ASB10: variants seen among roughly 807,000 people sequenced by gnomAD.
The protein encoded by ASB10 is ankyrin repeat and SOCS box containing 10, also known as ankyrin repeat and SOCS box protein 10.
In ASB10, 44 loss-of-function variants were observed where a neutral mutation model predicts 35.4. The ratio of observed to expected loss-of-function variants is 1.24; its 90% CI spans 0.98 to 1.60. The LOEUF is 1.60. Ranked by LOEUF, ASB10 falls within the 40% of genes most tolerant of loss-of-function variation. ASB10 has a pLI of 0.00. For synonymous variants in ASB10, 294 were observed against 280.4 expected (o/e 1.05, Z -0.49); for missense variants, 647 against 634.3 (o/e 1.02, Z -0.22).
chr7:151,187,164 G>A lies in ASB10; in HGVS notation c.-34C>T. On this transcript the variant is annotated 5_prime_UTR_variant, in exon 1 of 6. Transcript: ENST00000420175. The surrounding 1 kb of genome is among the most constrained non-coding windows in gnomAD (Gnocchi z 5.3). ...GGAAAGGGGAGTGGGGAGGAGGAGA[G>A]GTATATGCCAAAGGCAGAGAGAGAG... 3 of 1,557,594 alleles carry A rather than the reference G, an allele frequency of 1.9e-6. No homozygotes were observed. Among genetic ancestry groups the A allele is most frequent in the Non-Finnish European group, 2.6e-6 (3 of 1,150,308 alleles).
chr7:151,178,308 C>T (rs10241160), intron 3 of ASB10, among the ~76,000 whole-genome samples: 2,484 of 152,230 alleles, frequency 0.016, 64 homozygotes, highest in African/African-American at 0.056. Flanking sequence ...CTGTCCTAGA[C>T]GGAGTGGCCA....
chr7:151,184,784 A>G (rs917789283), intron 2 of ASB10, among the ~76,000 whole-genome samples: 4 of 152,146 alleles, frequency 2.6e-5, no homozygotes, highest in Non-Finnish European at 4.4e-5. Flanking sequence ...GCACTTTGGG[A>G]GGCCGAGGCG....
chr7:151,184,831 G>C (rs1432174664), intron 2 of ASB10, among the ~76,000 whole-genome samples: 1 of 152,006 alleles, frequency 6.6e-6, no homozygotes, highest in East Asian at 1.9e-4. Flanking sequence ...GACCATCCTG[G>C]CTAACACTGT....
rs542604220 is a variant in ASB10, at chr7:151,184,751, G to A, written c.584+1641C>T. Reference sequence around the variant, plus strand: ...AAAATGGTTACAAAAGGCCGGGCACGGTGGCTCGTGCCTGGAATCCCAGCA... The same window carrying A: ...AAAATGGTTACAAAAGGCCGGGCACAGTGGCTCGTGCCTGGAATCCCAGCA... On this transcript the variant is annotated intron_variant, in intron 2 of 5. Coordinates refer to ENST00000420175, the MANE Select transcript of ASB10 (RefSeq NM_001142459.2). Among the ~76,000 whole-genome samples the A allele has an allele frequency of 5.3e-5, 8 of 152,226 alleles. No homozygotes were observed. The South Asian group carries it at 6.2e-4, about 12-fold the overall frequency.
chr7:151,183,651 T>C (rs1280076190), intron 2 of ASB10, among the ~76,000 whole-genome samples: 1 of 152,174 alleles, frequency 6.6e-6, no homozygotes, highest in East Asian at 1.9e-4. Flanking sequence ...AGTGGCACAA[T>C]CTTGGCTCAC....
chr7:151,184,389 G>T (rs1345351448), intron 2 of ASB10, among the ~76,000 whole-genome samples: 2 of 143,918 alleles, frequency 1.4e-5, no homozygotes, highest in Non-Finnish European at 3.0e-5. Context: ...CTCCAGCCTG[G>T]GCGACAGAGT....
Position 151,175,975 on chromosome 7 carries a change from A to C in ASB10, c.*1-9T>G. On this transcript the variant is annotated splice_polypyrimidine_tract_variant and intron_variant, in intron 5 of 5. Transcript: ENST00000420175. Reference sequence around the variant, plus strand: ...CAAAAGGCCATGGACATCTGGAAGGAGAGGTTTGGATTCAGAGGCTTCTGG... The same window carrying C: ...CAAAAGGCCATGGACATCTGGAAGGCGAGGTTTGGATTCAGAGGCTTCTGG... 9.0e-7 allele frequency: 1 copy of C among 1,106,142 alleles called. No individual in the cohort carries two copies. Among genetic ancestry groups the C allele is most frequent in the Non-Finnish European group, 1.2e-6 (1 of 802,958 alleles). The allele number at this position is 1,106,142 out of a possible 1,614,324, so 68.5% of individuals were successfully genotyped here.
chr7:151,179,594 T>A (rs1801450107), intron 3 of ASB10, among the ~76,000 whole-genome samples: 1 of 152,236 alleles, frequency 6.6e-6, no homozygotes, highest in Non-Finnish European at 1.5e-5. Context: ...CAGCTGGGGC[T>A]GGCATTTCAT....
chr7:151,180,999 G>T lies in ASB10; in HGVS notation c.1044C>A (p.His348Gln). The T allele has an allele frequency of 6.3e-7, 1 of 1,598,060 alleles. No homozygotes were observed. The highest frequency in any genetic ancestry group is 8.6e-7 in the Non-Finnish European group (1 of 1,169,200). ...PAAALAQSPE[H>Q]VVRALLNHGA... ...CATGGTTGAGCAGAGCCCGAACCAC[G>T]TGCTCGGGGCTCTGGGCCAGGGCTG... Residue 348 changes from histidine to glutamine, a missense_variant, in exon 3 of 6, where the codon CAC becomes CAA. By Grantham distance (24) the His-to-Gln change is conservative. Coordinates refer to ENST00000420175, the MANE Select transcript of ASB10 (RefSeq NM_001142459.2).
chr7:151,176,524 A>G, intron 4 of ASB10, 39 bp downstream of exon 4: 3 of 1,528,600 alleles, frequency 2.0e-6, no homozygotes, highest in Non-Finnish European at 1.8e-6. Context: ...TCTTGGGACC[A>G]GGATGAGAAG....
chr7:151,182,136 C>G (rs1801507221), intron 2 of ASB10, among the ~76,000 whole-genome samples: 1 of 152,092 alleles, frequency 6.6e-6, no homozygotes, highest in Non-Finnish European at 1.5e-5. Flanking sequence ...GGATCTCATG[C>G]AAGTTGACAT....
In ASB10 at chr7:151,176,215, C is replaced by T. The variant is rs758074125; in HGVS notation, c.1301G>A (p.Arg434His). ...GGGCAGGCTGCCCTCCAGGTGGGAG[C>T]GGAGCGCACAGCGGCTCAAATGCTG... ...SLQHLSRCAL[R>H]SHLEGSLPQA... is the part of the protein sequence containing the mutation. The change falls in exon 5 of 6, where the codon CGC (arginine) becomes CAC (histidine). Residue 434 changes from arginine to histidine, a missense_variant. Physicochemically the swap from Arg to His is conservative, Grantham distance 29 (BLOSUM62 0). Transcript: ENST00000420175. The T allele has an allele frequency of 1.9e-6, 3 of 1,607,636 alleles. No individual in the cohort carries two copies. In the Admixed American group the frequency reaches 5.1e-5, roughly 27 times the overall value.
intron 2 of ASB10, among the ~76,000 whole-genome samples, chr7:151,181,972 G>A (rs539520537): frequency 3.9e-5 from 6 of 152,292 alleles, no homozygotes; most frequent in South Asian, 2.1e-4. Context: ...TAAATCATCC[G>A]TGGGAATAAA....
chr7:151,177,632 GA>G (rs1443147367), intron 3 of ASB10, among the ~76,000 whole-genome samples: 1 of 152,210 alleles, frequency 6.6e-6, no homozygotes, highest in Non-Finnish European at 1.5e-5. Flanking sequence ...GGGACTCACA[GA>G]GGGAGGACTG....
chr7:151,186,690 C>T (rs1381946792), intron 1 of ASB10, 31 bp from the exon 2 acceptor site: 1 of 1,578,650 alleles, frequency 6.3e-7, no homozygotes, highest in Non-Finnish European at 8.6e-7. Flanking sequence ...CCTCAGATCC[C>T]CAGGGAAGGC....
chr7:151,184,184 T>C (rs1224187772), intron 2 of ASB10, among the ~76,000 whole-genome samples: 6 of 150,808 alleles, frequency 4.0e-5, no homozygotes, highest in Admixed American at 6.6e-5. Context: ...GAGGCCGAGG[T>C]GGGTGGATCA....
intron 3 of ASB10, among the ~76,000 whole-genome samples, chr7:151,177,092 G>A (rs1363842692): frequency 6.6e-6 from 1 of 152,240 alleles, no homozygotes; most frequent in Non-Finnish European, 1.5e-5. Flanking sequence ...AGCCAGCCCT[G>A]CCCACATATG....
chr7:151,181,320 A>G lies in ASB10; in HGVS notation c.723T>C (p.Pro241=), dbSNP rs778238221. 2.5e-6 allele frequency: 4 copies of G among 1,613,144 alleles called. No individual in the cohort carries two copies. The highest frequency in any genetic ancestry group is 3.4e-6 in the Non-Finnish European group (4 of 1,180,000). The change falls in exon 3 of 6, where the codon CCT becomes CCC. Residue 241 remains proline, a synonymous_variant. Transcript: ENST00000420175. ...ADLLLRRGAC[P]DARNAEGWTP... The stretch of plus-strand genomic sequence containing the variant: ...TCCAGCCTTCGGCATTGCGGGCATC[A>G]GGACATGCCCCCCGTCTTAGAAGCA...
At position 151,178,987 on chromosome 7, in the gene ASB10, C is replaced by T. The variant is rs550132729; in HGVS notation, c.1104+1952G>A. Among the ~76,000 whole-genome samples the T allele has an allele frequency of 5.9e-5, 9 of 152,274 alleles. 1 individual carries two copies. The South Asian group carries it at 1.7e-3, about 28-fold the overall frequency. ...GAATGCCTGCCTCTTCCTCCTCCTT[C>T]CCTTCAAAACTGCCCATCCCAGTCC... On this transcript the variant is annotated intron_variant, in intron 3 of 5. Coordinates refer to ENST00000420175, the MANE Select transcript of ASB10 (RefSeq NM_001142459.2).
Sources: allele counts gnomAD v4.1 joint callset (sites outside exome capture counted in the v4.1 genomes callset), GRCh38; gene constraint gnomAD v4.1.1; non-coding constraint Gnocchi (gnomAD v3.1); transcripts MANE v1.5; gene names NCBI Gene and HGNC (gene_info 2026-07-23, HGNC 2026-07-21).